DNM2: variants seen among roughly 807,000 people sequenced by gnomAD.
The protein encoded by DNM2 is dynamin 2.
In DNM2, 15 loss-of-function variants were observed where a neutral mutation model predicts 99.0. The observed-to-expected ratio is 0.15, with a 90% CI of 0.10 to 0.23. DNM2 has a LOEUF of 0.23. Among genes scored for constraint, DNM2 ranks in the 10% least tolerant of loss-of-function variants. DNM2 has a pLI of 1.00. For synonymous variants in DNM2, 525 were observed against 481.2 expected, an observed-to-expected ratio of 1.09 and a Z score of -1.19; for missense variants, 742 against 1,189.4, an observed-to-expected ratio of 0.62 and a Z score of 5.53.
At chr19:10,825,876 GAGA>G (rs2073128237) in intron 18 of DNM2, among the ~76,000 whole-genome samples, 2 of 144,746 alleles carry the variant, frequency 1.4e-5, no homozygotes, top group Middle Eastern at 3.3e-3. Flanking sequence ...AAAAAAAAAT[GAGA>G]AGGAGGCCAG....
intron 1 of DNM2, among the ~76,000 whole-genome samples, chr19:10,726,778 G>A (rs1304932198): frequency 6.6e-6 from 1 of 152,118 alleles, no homozygotes; most frequent in Non-Finnish European, 1.5e-5. Flanking sequence ...GCGGAGAATC[G>A]CTTGAACCTG....
Position 10,795,086 on chromosome 19 carries a change from A to C in DNM2, c.1129-286A>C, listed in dbSNP as rs1051345266. Among the ~76,000 whole-genome samples, 1 of 151,888 alleles carries C rather than the reference A, an allele frequency of 6.6e-6. No individual in the cohort carries two copies. ...TAGGCGTGCACCAGCCCACCTGGCC[A>C]ATTTTTGTATTTTTAGTAGAGATGG... is the stretch of plus-strand genomic sequence containing the variant. On this transcript the variant is annotated intron_variant, in intron 8 of 20. Transcript: ENST00000389253. The surrounding 1 kb of genome is among the most constrained non-coding windows in gnomAD (Gnocchi z 4.2).
intron 6 of DNM2, among the ~76,000 whole-genome samples, chr19:10,786,005 G>C (rs1240025481): frequency 6.6e-6 from 1 of 151,840 alleles, no homozygotes; most frequent in East Asian, 1.9e-4. Context: ...TCATTGTGTT[G>C]GCCAGGCTGG....
At position 10,746,891 on chromosome 19, in the gene DNM2, C is replaced by T. The variant is rs568104308; in HGVS notation, c.162-12847C>T. Reference sequence around the variant, plus strand: ...AGCTGGGATTACAGGTGCCCACCACCACGCCTGGCTAATTTTTGTATTTTT... The same window carrying T: ...AGCTGGGATTACAGGTGCCCACCACTACGCCTGGCTAATTTTTGTATTTTT... On this transcript the variant is annotated intron_variant, in intron 1 of 20. Transcript: ENST00000389253. Among the ~76,000 whole-genome samples, 354 of 151,780 alleles carry T rather than the reference C, an allele frequency of 2.3e-3. 1 individual carries two copies. Among genetic ancestry groups the T allele is most frequent in the African/African-American group, 8.1e-3 (335 of 41,380 alleles).
chr19:10,798,979 A>G (rs1203088883), intron 11 of DNM2, among the ~76,000 whole-genome samples: 4 of 152,156 alleles, frequency 2.6e-5, no homozygotes, highest in African/African-American at 9.7e-5. Flanking sequence ...TAATCCCAGC[A>G]CTTAGGGAGG....
Position 10,816,994 on chromosome 19 carries a change from T to C in DNM2, c.1672-2986T>C, listed in dbSNP as rs781421560. ...AACAGCCGACCTGTGAAAGGGGCCC[T>C]GTGTGAGCCCCAGACACAAAGCAGG... On this transcript the variant is annotated intron_variant, in intron 15 of 20. Coordinates refer to ENST00000389253, the MANE Select transcript of DNM2 (RefSeq NM_001005361.3). This position sits in a 1 kb window ranked among gnomAD's most constrained non-coding sequence, Gnocchi z 4.6. Among the ~76,000 whole-genome samples the C allele has an allele frequency of 7.0e-4, 106 of 152,066 alleles. No homozygotes were observed. The highest frequency in any genetic ancestry group is 1.4e-3 in the Non-Finnish European group (94 of 67,998).
chr19:10,772,363 G>C lies in DNM2; in HGVS notation c.236-116G>C. 7.2e-7 allele frequency: 1 copy of C among 1,398,054 alleles called. No homozygotes were observed. Among genetic ancestry groups the C allele is most frequent in the Non-Finnish European group, 1.0e-6 (1 of 999,738 alleles). 86.6% of individuals were successfully genotyped at this position (1,398,054 alleles called of 1,614,324 possible). ...CAAAGTGCTGGGATTACAGGCGTGA[G>C]CTACTGTGCCCAGCCTGGGTCATTA... On this transcript the variant is annotated intron_variant, in intron 2 of 20. Coordinates refer to ENST00000389253, the MANE Select transcript of DNM2 (RefSeq NM_001005361.3). This position sits in a 1 kb window ranked among gnomAD's most constrained non-coding sequence, Gnocchi z 4.9.
chr19:10,827,827 C>A (rs1169797267), intron 18 of DNM2, among the ~76,000 whole-genome samples: 1 of 151,698 alleles, frequency 6.6e-6, no homozygotes, highest in Non-Finnish European at 1.5e-5. Flanking sequence ...GGAGATCATG[C>A]CACTGTACTC....
At chr19:10,759,716 T>C (rs747858688) in intron 1 of DNM2, 22 bp from the exon 2 acceptor site, 1 of 1,613,978 alleles carries the variant, frequency 6.2e-7, no homozygotes, top group South Asian at 1.1e-5. Context: ...GAGTAATTTC[T>C]GTCCCTCTCC....
intron 1 of DNM2, among the ~76,000 whole-genome samples, chr19:10,729,505 G>A (rs1386718632): frequency 6.6e-6 from 1 of 152,128 alleles, no homozygotes; most frequent in Non-Finnish European, 1.5e-5. Context: ...CCAGGACTTG[G>A]GGGAACAGCA....
Position 10,802,483 on chromosome 19 carries a change from G to T in DNM2, c.1493+125G>T, listed in dbSNP as rs2072188596. On this transcript the variant is annotated intron_variant, in intron 12 of 20. Transcript: ENST00000389253. The stretch of plus-strand genomic sequence containing the variant: ...GACAGTCTCTGTCGGGGGTCCTGGG[G>T]TGAAGGCAGAGCCAACTGAGAATAT... 3.6e-6 allele frequency: 4 copies of T among 1,121,584 alleles called. No individual in the cohort carries two copies. In the Admixed American group the frequency reaches 7.5e-5, roughly 21 times the overall value. The allele number at this position is 1,121,584 out of a possible 1,614,324, so 69.5% of individuals were successfully genotyped here.
intron 1 of DNM2, among the ~76,000 whole-genome samples, chr19:10,736,747 T>C (rs1241359195): frequency 6.6e-6 from 1 of 152,158 alleles, no homozygotes; most frequent in African/African-American, 2.4e-5. Flanking sequence ...CCACTGTCAC[T>C]ACTTCCCCAG....
At chr19:10,741,546 T>G (rs1012218349) in intron 1 of DNM2, among the ~76,000 whole-genome samples, 3 of 150,688 alleles carry the variant, frequency 2.0e-5, no homozygotes, top group African/African-American at 7.3e-5. Context: ...GGCCAATATT[T>G]CTTTCTTTTT....
chr19:10,774,910 C>A (rs1251237188), intron 3 of DNM2, among the ~76,000 whole-genome samples: 1 of 151,652 alleles, frequency 6.6e-6, no homozygotes, highest in Non-Finnish European at 1.5e-5. Flanking sequence ...GTTAGGACAA[C>A]AGATGCACAC....
In DNM2 at chr19:10,772,392, T is replaced by C; in HGVS notation, c.236-87T>C. Reference sequence around the variant, plus strand: ...CTGTGCCCAGCCTGGGTCATTACTTTCATTCAACAAAGCATTTCTCCCCGC... The same window carrying C: ...CTGTGCCCAGCCTGGGTCATTACTTCCATTCAACAAAGCATTTCTCCCCGC... On this transcript the variant is annotated intron_variant, in intron 2 of 20. Transcript: ENST00000389253. This position sits in a 1 kb window ranked among gnomAD's most constrained non-coding sequence, Gnocchi z 4.9. The C allele has an allele frequency of 6.3e-7, 1 of 1,576,366 alleles. No individual in the cohort carries two copies. The highest frequency in any genetic ancestry group is 1.3e-5 in the African/African-American group (1 of 74,362).
chr19:10,757,220 A>G (rs1297231827), intron 1 of DNM2, among the ~76,000 whole-genome samples: 1 of 152,090 alleles, frequency 6.6e-6, no homozygotes, highest in Non-Finnish European at 1.5e-5. Flanking sequence ...TTTCTCATGC[A>G]GTCCAGGCTG....
Position 10,812,444 on chromosome 19 carries a change from T to G in DNM2, c.1671+67T>G. 1 of 1,354,926 alleles carries G rather than the reference T, an allele frequency of 7.4e-7. No individual in the cohort carries two copies. The highest frequency in any genetic ancestry group is 1.0e-6 in the Non-Finnish European group (1 of 976,714). 83.9% of individuals were successfully genotyped at this position (1,354,926 alleles called of 1,614,324 possible). On this transcript the variant is annotated intron_variant, in intron 15 of 20. Coordinates refer to ENST00000389253, the MANE Select transcript of DNM2 (RefSeq NM_001005361.3). The surrounding 1 kb of genome is among the most constrained non-coding windows in gnomAD (Gnocchi z 4.0). ...CAGCCAGGGAAGAGCGGGTGGGCGCTCCCTCTGGGCAGAACTCAGTCACTG... is the reference window on the plus strand; with the variant it reads ...CAGCCAGGGAAGAGCGGGTGGGCGCGCCCTCTGGGCAGAACTCAGTCACTG...
chr19:10,754,458 G>A (rs544560558), intron 1 of DNM2, among the ~76,000 whole-genome samples: 28 of 152,080 alleles, frequency 1.8e-4, no homozygotes, highest in Middle Eastern at 3.4e-3. Context: ...TTACCGTGTT[G>A]GCCAGGATGG....
At chr19:10,747,202 C>T (rs534877504) in intron 1 of DNM2, among the ~76,000 whole-genome samples, 5 of 152,170 alleles carry the variant, frequency 3.3e-5, no homozygotes, top group African/African-American at 1.2e-4. Flanking sequence ...CGAATGTTCT[C>T]TTTTGGGTAT....
Sources: gnomAD v4.1 joint callset for allele counts (sites outside exome capture counted in the v4.1 genomes callset) on GRCh38, gnomAD v4.1.1 for gene constraint, Gnocchi (gnomAD v3.1) non-coding constraint, MANE v1.5 for transcripts, NCBI Gene and HGNC (gene_info 2026-07-23, HGNC 2026-07-21) for gene names.